Variants in TAF1B observed in about 807,000 individuals in gnomAD.
The protein encoded by TAF1B is TATA box-binding protein-associated factor RNA polymerase I subunit B.
In TAF1B, 61 loss-of-function variants were observed where a neutral mutation model predicts 83.9. The ratio of observed to expected loss-of-function variants is 0.73; its 90% CI spans 0.59 to 0.90. The LOEUF (loss-of-function observed/expected upper bound fraction) is 0.90. TAF1B is among the 40% of genes least tolerant of loss of function. The pLI, the probability that TAF1B is intolerant of heterozygous loss-of-function variation, is 0.00. For missense variants in TAF1B, 625 were observed against 677.0 expected, an observed-to-expected ratio of 0.92 and a Z score of 0.85; for synonymous variants, 221 against 224.6, an observed-to-expected ratio of 0.98 and a Z score of 0.14.
chr2:9,873,905 CCCTCAGCAGCTGGAGTGA>C (rs1664246014), intron 6 of TAF1B, among the ~76,000 whole-genome samples: 1 of 152,044 alleles, frequency 6.6e-6, no homozygotes, highest in Non-Finnish European at 1.5e-5. Context: ...CTCCATTCTT[CCCTCAGCAGCTGGAGTGA>C]CCTTTTTAAA....
intron 8 of TAF1B, among the ~76,000 whole-genome samples, chr2:9,898,770 C>A (rs947973157): frequency 1.3e-5 from 2 of 151,934 alleles, no homozygotes; most frequent in Non-Finnish European, 2.9e-5. Context: ...TAAGAGGTTT[C>A]GTGTAAGATA....
In TAF1B at chr2:9,914,685, A is replaced by C. The variant is rs989112293; in HGVS notation, c.1271+1436A>C. On this transcript the variant is annotated intron_variant, in intron 12 of 14. Transcript: ENST00000263663. The surrounding 1 kb of genome is among the most constrained non-coding windows in gnomAD (Gnocchi z 4.3). ...GAATAATTTATTGGCCAAAGAAAGT[A>C]AGTCTGGTTATAAAATGGCACTTTC... 6.6e-6 allele frequency among the ~76,000 whole-genome samples: 1 copy of C among 152,228 alleles called. No homozygotes were observed. Among genetic ancestry groups the C allele is most frequent in the Non-Finnish European group, 1.5e-5 (1 of 68,046 alleles).
At chr2:9,874,749 G>C (rs976084312) in intron 6 of TAF1B, among the ~76,000 whole-genome samples, 1 of 152,266 alleles carries the variant, frequency 6.6e-6, no homozygotes. Context: ...ATGTCATATG[G>C]TAGAGGATAC....
At chr2:9,929,527 A>T (rs923684145) in intron 14 of TAF1B, among the ~76,000 whole-genome samples, 7 of 152,162 alleles carry the variant, frequency 4.6e-5, no homozygotes, top group Non-Finnish European at 1.0e-4. Context: ...CATCCCAGGG[A>T]TGAAGCCGAC....
At chr2:9,868,800 G>C (rs1304673440) in intron 6 of TAF1B, 1 of 430,364 alleles carries the variant, frequency 2.3e-6, no homozygotes. Context: ...GACAAAGATG[G>C]TATGTCCAGT....
In TAF1B at chr2:9,911,609, AAAAGATGGAAT is replaced by A. The variant is rs767095576; in HGVS notation, c.1180+56_1180+66del. ...TCAAAGTGGTTATAGATGATAGATT[AAAAGATGGAAT>A]AAATGTAGGCAAACAACTTTGAAAA... On this transcript the variant is annotated intron_variant, in intron 11 of 14. Coordinates refer to ENST00000263663, the MANE Select transcript of TAF1B (RefSeq NM_005680.3). 3 of 1,305,704 alleles carry A rather than the reference AAAAGATGGAAT, an allele frequency of 2.3e-6. No homozygotes were observed. The South Asian group carries it at 4.6e-5, about 20-fold the overall frequency. The allele number at this position is 1,305,704 out of a possible 1,614,324, so 80.9% of individuals were successfully genotyped here.
At chr2:9,906,561 T>C (rs1011249952) in intron 9 of TAF1B, among the ~76,000 whole-genome samples, 2 of 152,150 alleles carry the variant, frequency 1.3e-5, no homozygotes, top group African/African-American at 4.8e-5. Context: ...GTAAACAGTG[T>C]TGTGTACGTT....
intron 7 of TAF1B, among the ~76,000 whole-genome samples, chr2:9,881,316 C>T (rs867892454): frequency 6.6e-6 from 1 of 151,118 alleles, no homozygotes; most frequent in Non-Finnish European, 1.5e-5. Flanking sequence ...CCAGGCTGGG[C>T]GACAGTGAGA....
At chr2:9,866,818 G>C (rs1319965102) in intron 5 of TAF1B, among the ~76,000 whole-genome samples, 2 of 151,974 alleles carry the variant, frequency 1.3e-5, no homozygotes, top group African/African-American at 4.8e-5. Context: ...CCATCATTCT[G>C]AGCAAACTAT....
At chr2:9,915,302 A>G (rs1665648455) in intron 12 of TAF1B, among the ~76,000 whole-genome samples, 1 of 152,204 alleles carries the variant, frequency 6.6e-6, no homozygotes, top group South Asian at 2.1e-4. Context: ...AAAAATTGGT[A>G]AATTGGACTT....
chr2:9,928,491 C>G (rs1032932331), intron 14 of TAF1B, among the ~76,000 whole-genome samples: 1 of 152,172 alleles, frequency 6.6e-6, no homozygotes, highest in East Asian at 1.9e-4. Context: ...CTATCCATGA[C>G]CATGGAATGT....
At chr2:9,851,946 A>T in intron 4 of TAF1B, 1 of 519,362 alleles carries the variant, frequency 1.9e-6, no homozygotes, top group Middle Eastern at 3.2e-4. Context: ...TTTGTGTGTT[A>T]ATGTGCTTGT....
At chr2:9,885,073 TC>T (rs1207620605) in intron 8 of TAF1B, among the ~76,000 whole-genome samples, 1 of 152,234 alleles carries the variant, frequency 6.6e-6, no homozygotes, top group Non-Finnish European at 1.5e-5. Flanking sequence ...TCTTAGTATA[TC>T]TTCGTAGAAC....
intron 5 of TAF1B, among the ~76,000 whole-genome samples, chr2:9,863,558 G>C (rs907952662): frequency 2.1e-4 from 32 of 152,246 alleles, no homozygotes; most frequent in African/African-American, 6.5e-4. Context: ...AGTTAACAAG[G>C]ATATCCAGGA....
chr2:9,929,525 G>T (rs979295157), intron 14 of TAF1B, among the ~76,000 whole-genome samples: 120 of 152,242 alleles, frequency 7.9e-4, no homozygotes, highest in African/African-American at 2.8e-3. Flanking sequence ...TCCATCCCAG[G>T]GATGAAGCCG....
intron 14 of TAF1B, among the ~76,000 whole-genome samples, chr2:9,921,878 A>G (rs1045447183): frequency 6.6e-6 from 1 of 152,242 alleles, no homozygotes; most frequent in Non-Finnish European, 1.5e-5. Flanking sequence ...CGAAAAGGCC[A>G]TTCAATAAAA....
In TAF1B at chr2:9,913,451, G is replaced by A. The variant is rs1171088512; in HGVS notation, c.1271+202G>A. 2.3e-5 allele frequency: 10 copies of A among 443,438 alleles called. No homozygotes were observed. The East Asian group carries it at 3.5e-4, about 16-fold the overall frequency. 27.5% of individuals were successfully genotyped at this position (443,438 alleles called of 1,614,324 possible). A position where few individuals can be genotyped will look rare whatever the true frequency, so the allele number is the denominator to read the frequency against. On this transcript the variant is annotated intron_variant, in intron 12 of 14. Transcript: ENST00000263663. Reference sequence around the variant, plus strand: ...TTTAGATTTGATGTGGATTTCACCAGTGTTTTTATTAATGTCCTCTTTCTG... The same window carrying A: ...TTTAGATTTGATGTGGATTTCACCAATGTTTTTATTAATGTCCTCTTTCTG...
At chr2:9,883,756 A>T (rs1440551094) in intron 8 of TAF1B, among the ~76,000 whole-genome samples, 7 of 152,256 alleles carry the variant, frequency 4.6e-5, no homozygotes, top group Admixed American at 2.6e-4. Flanking sequence ...TTCCAAAGGG[A>T]AAATTTGAAT....
chr2:9,874,443 ATT>A (rs569110952), intron 6 of TAF1B, among the ~76,000 whole-genome samples: 1 of 145,732 alleles, frequency 6.9e-6, no homozygotes, highest in Non-Finnish European at 1.5e-5. Context: ...GTCAAATGTA[ATT>A]TTTTTTTTTT....
Sources: allele counts gnomAD v4.1 joint callset (sites outside exome capture counted in the v4.1 genomes callset), GRCh38; gene constraint gnomAD v4.1.1; non-coding constraint Gnocchi (gnomAD v3.1); transcripts MANE v1.5; gene names NCBI Gene and HGNC (gene_info 2026-07-23, HGNC 2026-07-21).